MAGI1: variants seen among roughly 807,000 people sequenced by gnomAD.
MAGI1 encodes the protein membrane associated guanylate kinase, WW and PDZ domain containing 1, also known as membrane-associated guanylate kinase, WW and PDZ domain-containing protein 1.
A neutral mutation model predicts 139.9 loss-of-function variants in MAGI1; 58 were observed. The observed-to-expected ratio is 0.41, with a 90% confidence interval of 0.34 to 0.52. MAGI1 has a LOEUF of 0.52. MAGI1 is among the 20% of genes least tolerant of loss of function. MAGI1 has a pLI of 0.12. For synonymous variants in MAGI1, 812 were observed against 737.9 expected (o/e 1.10, Z -1.63); for missense variants, 1,874 against 1,901.6 (o/e 0.99, Z 0.27).
intron 1 of MAGI1, among the ~76,000 whole-genome samples, chr3:65,753,599 T>C (rs1016358864): frequency 2.0e-5 from 3 of 150,896 alleles, no homozygotes; most frequent in East Asian, 2.0e-4. Context: ...CACATGCCTG[T>C]AATCCCAGCT....
intron 1 of MAGI1, among the ~76,000 whole-genome samples, chr3:65,925,843 C>T (rs2062474134): frequency 6.6e-6 from 1 of 152,104 alleles, no homozygotes; most frequent in Admixed American, 6.6e-5. Flanking sequence ...CCACACTCTG[C>T]CAATTTTTGT....
intron 1 of MAGI1, among the ~76,000 whole-genome samples, chr3:65,663,339 C>G (rs1400690074): frequency 6.6e-6 from 1 of 152,164 alleles, no homozygotes; most frequent in Non-Finnish European, 1.5e-5. Flanking sequence ...GTTTTACTCT[C>G]ATTTTCTGTT....
At chr3:65,792,021 AT>A (rs948202128) in intron 1 of MAGI1, among the ~76,000 whole-genome samples, 10 of 151,860 alleles carry the variant, frequency 6.6e-5, no homozygotes, top group East Asian at 1.9e-4. Context: ...AAGTCTACGT[AT>A]TTTTTTTCTA....
At chr3:65,537,004 A>T (rs76862687) in intron 2 of MAGI1, among the ~76,000 whole-genome samples, 2,123 of 152,246 alleles carry the variant, frequency 0.014, 23 homozygotes, top group Non-Finnish European at 0.022. Flanking sequence ...TTTGAGTATG[A>T]ATTCTTCTGG....
intron 1 of MAGI1, among the ~76,000 whole-genome samples, chr3:65,688,684 G>C (rs1003309707): frequency 3.9e-5 from 6 of 152,088 alleles, no homozygotes; most frequent in Non-Finnish European, 8.8e-5. Context: ...CTTCATTATA[G>C]ATGAATGGCA....
chr3:65,932,941 T>C (rs1389540067), intron 1 of MAGI1, among the ~76,000 whole-genome samples: 1 of 152,042 alleles, frequency 6.6e-6, no homozygotes, highest in African/African-American at 2.4e-5. Flanking sequence ...CTACATTTAC[T>C]TAACAGTCCT....
At chr3:65,573,736 T>C (rs1043389768) in intron 2 of MAGI1, among the ~76,000 whole-genome samples, 1 of 152,100 alleles carries the variant, frequency 6.6e-6, no homozygotes, top group African/African-American at 2.4e-5. Flanking sequence ...CTATAGCCAG[T>C]GCAATAAAGC....
chr3:65,536,677 A>G (rs2078969976), intron 2 of MAGI1, among the ~76,000 whole-genome samples: 3 of 152,204 alleles, frequency 2.0e-5, no homozygotes, highest in African/African-American at 2.4e-5. Context: ...CAAAGTGTTC[A>G]GGGCTGGCCA....
chr3:65,445,514 T>C (rs532774920), intron 7 of MAGI1, among the ~76,000 whole-genome samples: 11 of 152,344 alleles, frequency 7.2e-5, no homozygotes, highest in Admixed American at 7.2e-4. Flanking sequence ...AAGAGATTTC[T>C]CTGTATATAG....
At chr3:66,004,189 C>T (rs752812411) in intron 1 of MAGI1, among the ~76,000 whole-genome samples, 12 of 152,180 alleles carry the variant, frequency 7.9e-5, no homozygotes, top group Non-Finnish European at 1.2e-4. Context: ...TAAGCCACCT[C>T]AACTTTGTGG....
At chr3:65,685,346 T>G (rs1020383826) in intron 1 of MAGI1, among the ~76,000 whole-genome samples, 12 of 152,094 alleles carry the variant, frequency 7.9e-5, no homozygotes, top group Admixed American at 4.6e-4. Flanking sequence ...AAATTCCAGT[T>G]AATACTTGTC....
At chr3:65,621,415 T>A (rs1163022887) in intron 2 of MAGI1, among the ~76,000 whole-genome samples, 1 of 152,184 alleles carries the variant, frequency 6.6e-6, no homozygotes, top group Admixed American at 6.5e-5. Context: ...GGGGTTTGGA[T>A]TTTTTATCTG....
intron 1 of MAGI1, among the ~76,000 whole-genome samples, chr3:65,827,525 C>G (rs1206958678): frequency 1.3e-5 from 2 of 152,196 alleles, no homozygotes; most frequent in African/African-American, 4.8e-5. Context: ...CACAGCCAAA[C>G]TGCTCTTGCT....
At chr3:65,470,535 A>T in intron 4 of MAGI1, 51 bp from the exon 5 acceptor site, 1 of 1,280,134 alleles carries the variant, frequency 7.8e-7, no homozygotes, top group Non-Finnish European at 1.1e-6. Context: ...AAAAAAAAAA[A>T]TGGTATTCAG....
At chr3:65,364,065 G>A (rs1248357600) in intron 20 of MAGI1, among the ~76,000 whole-genome samples, 3 of 151,180 alleles carry the variant, frequency 2.0e-5, no homozygotes, top group East Asian at 3.9e-4. Context: ...ACCCAGCTGG[G>A]GACTTGTAAT....
chr3:65,564,693 T>G (rs2080527831), intron 2 of MAGI1, among the ~76,000 whole-genome samples: 1 of 152,210 alleles, frequency 6.6e-6, no homozygotes, highest in Non-Finnish European at 1.5e-5. Context: ...CGGAAAGATT[T>G]ATTTGTGTGC....
chr3:65,505,242 A>G (rs1007010150), intron 2 of MAGI1, among the ~76,000 whole-genome samples: 3 of 152,206 alleles, frequency 2.0e-5, no homozygotes, highest in African/African-American at 7.2e-5. Flanking sequence ...TTTCAACCAG[A>G]TAATTTTCAA....
At chr3:65,508,149 A>T (rs1048200899) in intron 2 of MAGI1, among the ~76,000 whole-genome samples, 2 of 152,196 alleles carry the variant, frequency 1.3e-5, no homozygotes, top group Non-Finnish European at 2.9e-5. Context: ...CACGCCTGTA[A>T]TCCCAGCACT....
intron 1 of MAGI1, among the ~76,000 whole-genome samples, chr3:65,853,903 G>C (rs1053291139): frequency 5.3e-5 from 8 of 152,052 alleles, no homozygotes; most frequent in African/African-American, 1.7e-4. Flanking sequence ...TTGGGAGTTG[G>C]AGACTAGCCT....
Sources: allele counts gnomAD v4.1 joint callset (sites outside exome capture counted in the v4.1 genomes callset), GRCh38; gene constraint gnomAD v4.1.1; transcripts MANE v1.5; gene names NCBI Gene and HGNC (gene_info 2026-07-23, HGNC 2026-07-21).